The following CALB2 variants were observed in gnomAD, a reference collection of about 807,000 sequenced individuals.
The protein encoded by CALB2 is calretinin.
Under a neutral mutation model 45.9 loss-of-function variants are expected in CALB2, and 34 were observed. The observed-to-expected ratio is 0.74, with a 90% CI of 0.56 to 0.99. The LOEUF is 0.99. CALB2 is among the 50% of genes least tolerant of loss of function. The pLI, the probability that CALB2 is intolerant of heterozygous loss-of-function variation, is 0.00. For missense variants in CALB2, 344 were observed against 339.3 expected (o/e 1.01, Z -0.11); for synonymous variants, 142 against 129.6 (o/e 1.10, Z -0.65).
chr16:71,378,901 A>G (rs2042450861), intron 4 of CALB2, among the ~76,000 whole-genome samples: 1 of 152,222 alleles, frequency 6.6e-6, no homozygotes, highest in African/African-American at 2.4e-5. Context: ...TATAGCTACA[A>G]AAGTCCAGTG....
intron 1 of CALB2, among the ~76,000 whole-genome samples, chr16:71,370,714 C>T (rs1446590222): frequency 1.3e-5 from 2 of 152,132 alleles, no homozygotes; most frequent in Non-Finnish European, 2.9e-5. Flanking sequence ...CTGGGCAACA[C>T]AGCAAGACCC....
intron 8 of CALB2, 49 bp from the exon 9 acceptor site, chr16:71,384,722 GCACACCCACACA>G: frequency 1.5e-6 from 1 of 687,100 alleles, no homozygotes; most frequent in Non-Finnish European, 1.8e-6. Context: ...ACACACAAAC[GCACACCCACACA>G]CACACCACTG....
intron 1 of CALB2, among the ~76,000 whole-genome samples, chr16:71,371,122 C>A (rs1267018158): frequency 1.3e-5 from 2 of 152,142 alleles, no homozygotes; most frequent in Admixed American, 6.5e-5. Flanking sequence ...TTATAATAAC[C>A]CACTTTGCAG....
chr16:71,382,687 T>C (rs370740060), intron 4 of CALB2, 32 bp from the exon 5 acceptor site: 19 of 1,606,956 alleles, frequency 1.2e-5, no homozygotes, highest in Non-Finnish European at 1.5e-5. Context: ...TGATACGTCT[T>C]TGCAAAGAGG....
chr16:71,388,811 G>A (rs963417410), intron 10 of CALB2, among the ~76,000 whole-genome samples: 16 of 143,982 alleles, frequency 1.1e-4, no homozygotes, highest in African/African-American at 2.8e-4. Flanking sequence ...TGAAACCCCC[G>A]TCTCTACTAA....
Position 71,380,287 on chromosome 16 carries a change from CTTTTCTTTTTTTTT to C in CALB2, c.343-2427_343-2414del, listed in dbSNP as rs1308738565. On this transcript the variant is annotated intron_variant, in intron 4 of 10. Coordinates refer to ENST00000302628, the MANE Select transcript of CALB2 (RefSeq NM_001740.5). Reference sequence around the variant, plus strand: ...CTTTTCTTTCTTTCTTCTTTCCTTCCTTTTCTTTTTTTTTTTTTTTTTTTTTTTTTTTTTTTTTT... The same window carrying C: ...CTTTTCTTTCTTTCTTCTTTCCTTCCTTTTTTTTTTTTTTTTTTTTTTTTT... 5.8e-3 allele frequency among the ~76,000 whole-genome samples: 501 copies of C among 87,004 alleles called. 19 individuals are homozygous for C. The highest frequency in any genetic ancestry group is 0.047 in the East Asian group (151 of 3,238). The allele number at this position is 87,004 out of a possible 152,430, so 57.1% of individuals were successfully genotyped here. A position where few individuals can be genotyped will look rare whatever the true frequency, so the allele number is the denominator to read the frequency against.
chr16:71,367,132 A>T (rs2042296144), intron 1 of CALB2, among the ~76,000 whole-genome samples: 1 of 152,050 alleles, frequency 6.6e-6, no homozygotes, highest in Non-Finnish European at 1.5e-5. Flanking sequence ...GTCTCACTTT[A>T]AATTGGGGGA....
intron 1 of CALB2, among the ~76,000 whole-genome samples, chr16:71,369,394 G>T (rs998108714): frequency 6.6e-6 from 1 of 152,066 alleles, no homozygotes; most frequent in Admixed American, 6.6e-5. Flanking sequence ...TCACTCTGCC[G>T]CCCCCCAAAT....
intron 1 of CALB2, among the ~76,000 whole-genome samples, chr16:71,366,018 CTCTCTCTTTTTT>C (rs1459054675): frequency 1.0e-4 from 3 of 28,744 alleles, no homozygotes; most frequent in African/African-American, 4.8e-4. Context: ...TCTTCCCTCT[CTCTCTCTTTTTT>C]TTTTTTTTTT....
rs780925338 is a variant in CALB2, at chr16:71,358,743, G to A, written c.-50G>A. The A allele has an allele frequency of 6.8e-7, 1 of 1,464,494 alleles. No individual in the cohort carries two copies. The highest frequency in any genetic ancestry group is 1.4e-5 in the African/African-American group (1 of 71,826). The allele number at this position is 1,464,494 out of a possible 1,614,324, so 90.7% of individuals were successfully genotyped here. A position where few individuals can be genotyped will look rare whatever the true frequency, so the allele number is the denominator to read the frequency against. ...ACCCCAGCGCGAGTGCCAGAGCCCA[G>A]CCGGCGCGGAGCGGGAGCGGTGCAG... On this transcript the variant is annotated 5_prime_UTR_variant, in exon 1 of 11. Transcript: ENST00000302628.
intron 1 of CALB2, among the ~76,000 whole-genome samples, chr16:71,368,798 A>G (rs536107639): frequency 3.9e-5 from 6 of 152,300 alleles, no homozygotes; most frequent in African/African-American, 1.2e-4. Flanking sequence ...GCAAAGAAAG[A>G]CGGCAAAAGC....
rs199949553 is a variant in CALB2, at chr16:71,385,671, C to T, written c.699+23C>T. 1.0e-3 allele frequency: 1,630 copies of T among 1,606,602 alleles called. 10 individuals carry two copies. The highest frequency in any genetic ancestry group is 2.8e-3 in the South Asian group (253 of 90,804). On this transcript the variant is annotated intron_variant, in intron 10 of 10. Coordinates refer to ENST00000302628, the MANE Select transcript of CALB2 (RefSeq NM_001740.5). ...AAGGTGAGCAGCCAAGCCTGAGGCC[C>T]GGCCACTGTCCCCAGGGCACAGGAG...
intron 4 of CALB2, among the ~76,000 whole-genome samples, chr16:71,381,887 C>T (rs1358484356): frequency 6.6e-6 from 1 of 151,620 alleles, no homozygotes; most frequent in Non-Finnish European, 1.5e-5. Flanking sequence ...TGGTGGTGCA[C>T]GCCTGTAGTC....
At position 71,383,113 on chromosome 16, in the gene CALB2, G is replaced by A. The variant is rs555567396; in HGVS notation, c.400-254G>A. ...GATTCCCCAGGCACTGCTTAGCTCC[G>A]TATACTGGTCTCCCAGGAGGCAGAG... is the stretch of plus-strand genomic sequence containing the variant. On this transcript the variant is annotated intron_variant, in intron 5 of 10. Transcript: ENST00000302628. Among the ~76,000 whole-genome samples the A allele has an allele frequency of 8.5e-5, 13 of 152,194 alleles. No individual in the cohort carries two copies. In the South Asian group the frequency reaches 2.3e-3, roughly 27 times the overall value.
chr16:71,371,381 T>C (rs1298310511), intron 1 of CALB2, among the ~76,000 whole-genome samples: 3 of 152,192 alleles, frequency 2.0e-5, no homozygotes, highest in Non-Finnish European at 4.4e-5. Context: ...AGGACTGTTA[T>C]AGCAAGGCAC....
chr16:71,371,928 T>C (rs1377509807), intron 1 of CALB2, among the ~76,000 whole-genome samples: 5 of 152,218 alleles, frequency 3.3e-5, no homozygotes, highest in Admixed American at 3.3e-4. Flanking sequence ...GACCCTGTGC[T>C]AGTTCCTCCC....
intron 10 of CALB2, among the ~76,000 whole-genome samples, chr16:71,388,509 A>T (rs547184147): frequency 2.6e-4 from 40 of 152,276 alleles, no homozygotes; most frequent in African/African-American, 9.6e-4. Context: ...ATTGTAAAGC[A>T]TGTATTTAAC....
chr16:71,372,139 C>G lies in CALB2; in HGVS notation c.95-14C>G. 6.3e-7 allele frequency: 1 copy of G among 1,580,600 alleles called. No individual in the cohort carries two copies. Among genetic ancestry groups the G allele is most frequent in the South Asian group, 1.1e-5 (1 of 90,086 alleles). On this transcript the variant is annotated splice_polypyrimidine_tract_variant and intron_variant, in intron 1 of 10. Coordinates refer to ENST00000302628, the MANE Select transcript of CALB2 (RefSeq NM_001740.5). ...TTTAGTGCTGAGATTGATTTTTTCT[C>G]TCTCTTTTTACAGGAAATGGGTATA...
rs1289447043 is a variant in CALB2, at chr16:71,358,852, G to A, written c.60G>A (p.Gln20=). 1.2e-6 allele frequency: 2 copies of A among 1,613,270 alleles called. No individual in the cohort carries two copies. The highest frequency in any genetic ancestry group is 4.5e-5 in the East Asian group (2 of 44,862). Residue 20 remains glutamine, a synonymous_variant, in exon 1 of 11, where the codon CAG becomes CAA. Coordinates refer to ENST00000302628, the MANE Select transcript of CALB2 (RefSeq NM_001740.5). Reference sequence around the variant, plus strand: ...ACCTGGCCGAGCTGACGGCGTCCCAGTTCCTGGAAATATGGAAGCACTTTG... The same window carrying A: ...ACCTGGCCGAGCTGACGGCGTCCCAATTCCTGGAAATATGGAAGCACTTTG... ...YLHLAELTAS[Q]FLEIWKHFDA...
Sources: allele counts gnomAD v4.1 joint callset (sites outside exome capture counted in the v4.1 genomes callset), GRCh38; gene constraint gnomAD v4.1.1; transcripts MANE v1.5; gene names NCBI Gene and HGNC (gene_info 2026-07-23, HGNC 2026-07-21).